The following DCC variants were observed in gnomAD, a reference collection of about 807,000 sequenced individuals.
DCC encodes DCC netrin 1 receptor, also known as netrin receptor DCC.
In DCC, 58 loss-of-function variants were observed where a neutral mutation model predicts 172.5. The observed-to-expected ratio is 0.34, with a 90% CI of 0.27 to 0.42. The LOEUF (loss-of-function observed/expected upper bound fraction) is 0.42, where lower values mean the gene tolerates loss of function less well. Ranked by LOEUF, DCC falls within the 10% of genes least tolerant of loss-of-function variation. DCC has a pLI of 1.00. For missense variants in DCC, 1,740 were observed against 1,791.0 expected, an observed-to-expected ratio of 0.97 and a Z score of 0.51; for synonymous variants, 709 against 644.5, an observed-to-expected ratio of 1.10 and a Z score of -1.52.
At chr18:52,947,314 A>G (rs562824692) in intron 5 of DCC, among the ~76,000 whole-genome samples, 6 of 152,318 alleles carry the variant, frequency 3.9e-5, no homozygotes, top group African/African-American at 1.4e-4. Flanking sequence ...TTTTTCTTAT[A>G]CAATGCAAAC....
At chr18:52,973,071 G>A (rs1321416053) in intron 5 of DCC, among the ~76,000 whole-genome samples, 2 of 152,122 alleles carry the variant, frequency 1.3e-5, no homozygotes, top group Non-Finnish European at 2.9e-5. Context: ...CTGATAACAC[G>A]GTGCTAGAAC....
chr18:52,766,801 C>A (rs8083288), intron 2 of DCC, among the ~76,000 whole-genome samples: 16,591 of 151,774 alleles, frequency 0.11, 2,992 homozygotes, highest in African/African-American at 0.38. Flanking sequence ...ATAAGTTCTC[C>A]TTTTAGGTGG....
rs111288485 is a variant in DCC at position 53,112,877 on chromosome 18, T to C, written c.1262-44479T>C. On this transcript the variant is annotated intron_variant, in intron 7 of 28. Coordinates refer to ENST00000442544, the MANE Select transcript of DCC (RefSeq NM_005215.4). ...AGCATCCAATTGTGTAATTGCAATG[T>C]GTGTTGTCATTAGTACTTATAAGCC... Among the ~76,000 whole-genome samples the C allele has an allele frequency of 9.6e-3, 1,450 of 151,644 alleles. 33 individuals are homozygous for C. The highest frequency in any genetic ancestry group is 0.032 in the African/African-American group (1,348 of 41,478).
chr18:53,146,644 T>C (rs976690308), intron 7 of DCC, among the ~76,000 whole-genome samples: 1 of 152,226 alleles, frequency 6.6e-6, no homozygotes, highest in Non-Finnish European at 1.5e-5. Flanking sequence ...GCCAATTCTA[T>C]AATTCTTTTT....
chr18:53,439,769 C>CTTTTTTTTTTTTTTT (rs1292726340), intron 22 of DCC, among the ~76,000 whole-genome samples: 5 of 127,214 alleles, frequency 3.9e-5, no homozygotes, highest in Non-Finnish European at 8.5e-5. Flanking sequence ...TAGTATTTTT[C>CTTTTTTTTTTTTTTT]TTTTTTTTTT....
intron 12 of DCC, among the ~76,000 whole-genome samples, chr18:53,278,031 T>C (rs1310646918): frequency 2.0e-5 from 3 of 152,202 alleles, no homozygotes; most frequent in African/African-American, 7.2e-5. Flanking sequence ...TTGCAACAGA[T>C]ATTTTGTTTT....
intron 15 of DCC, among the ~76,000 whole-genome samples, chr18:53,377,320 G>A (rs967772668): frequency 4.0e-5 from 6 of 150,882 alleles, no homozygotes; most frequent in Non-Finnish European, 7.4e-5. Context: ...TTATCCCATG[G>A]TGGAAGGCAG....
rs1261820877 is a variant in DCC, at chr18:53,427,938, ATATAT to A, written c.3164-7201_3164-7197del. On this transcript the variant is annotated intron_variant, in intron 21 of 28. Transcript: ENST00000442544. ...ATAATATAATATATAATATAATATAATATATTATAATATATAATATAATAATATAA... is the reference window on the plus strand; with the variant it reads ...ATAATATAATATATAATATAATATAATATAATATATAATATAATAATATAA... Among the ~76,000 whole-genome samples the A allele has an allele frequency of 3.2e-3, 133 of 41,142 alleles. 17 individuals carry two copies. The highest frequency in any genetic ancestry group is 7.1e-3 in the African/African-American group (122 of 17,086). The allele number at this position is 41,142 out of a possible 152,430, so 27.0% of individuals were successfully genotyped here.
intron 1 of DCC, among the ~76,000 whole-genome samples, chr18:52,745,323 C>A (rs1363167204): frequency 1.3e-5 from 2 of 152,106 alleles, no homozygotes; most frequent in African/African-American, 4.8e-5. Flanking sequence ...GACACAAGAA[C>A]CCCCTTGCTC....
At chr18:53,000,136 C>T (rs1168176164) in intron 5 of DCC, among the ~76,000 whole-genome samples, 3 of 152,014 alleles carry the variant, frequency 2.0e-5, no homozygotes, top group Non-Finnish European at 4.4e-5. Flanking sequence ...AGAACCGAGA[C>T]AAGAAGTCTA....
intron 12 of DCC, among the ~76,000 whole-genome samples, chr18:53,232,671 G>A (rs1053144467): frequency 3.3e-5 from 5 of 152,186 alleles, no homozygotes; most frequent in African/African-American, 4.8e-5. Flanking sequence ...GAATGTGTCC[G>A]GCTAAATCGA....
At chr18:52,408,197 T>C (rs1012995504) in intron 1 of DCC, among the ~76,000 whole-genome samples, 10 of 152,112 alleles carry the variant, frequency 6.6e-5, no homozygotes, top group African/African-American at 2.4e-4. Flanking sequence ...AATAATATAC[T>C]AGTATGAGAC....
chr18:53,280,318 C>A (rs541827879), intron 12 of DCC, among the ~76,000 whole-genome samples: 2 of 152,154 alleles, frequency 1.3e-5, no homozygotes, highest in East Asian at 3.9e-4. Flanking sequence ...AGTCTCATTT[C>A]TGTTTACATT....
chr18:53,432,058 CAT>C (rs1450872716), intron 21 of DCC, among the ~76,000 whole-genome samples: 11 of 152,026 alleles, frequency 7.2e-5, no homozygotes, highest in South Asian at 2.1e-4. Context: ...AACTATGAAA[CAT>C]ATAAAGTTAT....
intron 7 of DCC, among the ~76,000 whole-genome samples, chr18:53,122,569 T>C (rs1041753117): frequency 6.6e-6 from 1 of 151,994 alleles, no homozygotes; most frequent in Non-Finnish European, 1.5e-5. Context: ...CTAGAAAAAC[T>C]TTATCTTGGA....
intron 1 of DCC, among the ~76,000 whole-genome samples, chr18:52,392,531 T>C (rs1313412360): frequency 6.6e-6 from 1 of 152,098 alleles, no homozygotes; most frequent in Non-Finnish European, 1.5e-5. Flanking sequence ...ACAATGCAAG[T>C]TGATGGAAGA....
intron 20 of DCC, among the ~76,000 whole-genome samples, chr18:53,415,110 AAAG>A (rs1910229418): frequency 2.6e-5 from 4 of 152,212 alleles, no homozygotes; most frequent in African/African-American, 7.2e-5. Context: ...TTATTTAGAA[AAAG>A]AAGGACCACC....
intron 5 of DCC, among the ~76,000 whole-genome samples, chr18:52,996,514 ATAAT>A (rs1176603149): frequency 1.3e-5 from 2 of 152,022 alleles, no homozygotes; most frequent in African/African-American, 4.8e-5. Context: ...TTCTTCACTG[ATAAT>A]TTATTTCAAA....
chr18:52,992,065 T>G (rs1028164076), intron 5 of DCC, among the ~76,000 whole-genome samples: 1 of 152,198 alleles, frequency 6.6e-6, no homozygotes, highest in Admixed American at 6.5e-5. Context: ...GTGTTATTAT[T>G]ATAGTCTACA....
Sources: allele counts gnomAD v4.1 joint callset (sites outside exome capture counted in the v4.1 genomes callset), GRCh38; gene constraint gnomAD v4.1.1; transcripts MANE v1.5; gene names NCBI Gene and HGNC (gene_info 2026-07-23, HGNC 2026-07-21).